HPSE2: variants seen among roughly 807,000 people sequenced by gnomAD.
HPSE2 encodes heparanase 2 (inactive), also known as inactive heparanase-2.
HPSE2 carries 38 observed loss-of-function variants against 60.5 expected under a neutral mutation model. The ratio of observed to expected loss-of-function variants is 0.63; its 90% CI spans 0.48 to 0.82. The LOEUF is 0.82. Among genes scored for constraint, HPSE2 ranks in the 40% least tolerant of loss-of-function variants. The pLI, the probability that HPSE2 is intolerant of heterozygous loss-of-function variation, is 0.00. For synonymous variants in HPSE2, 295 were observed against 293.2 expected (o/e 1.01, Z -0.06); for missense variants, 713 against 740.4 (o/e 0.96, Z 0.43).
chr10:98,953,600 G>A (rs1020480532), intron 3 of HPSE2, among the ~76,000 whole-genome samples: 4 of 152,116 alleles, frequency 2.6e-5, no homozygotes, highest in Non-Finnish European at 4.4e-5. Flanking sequence ...CCACATTGAC[G>A]GAGTGGAAGG....
intron 4 of HPSE2, among the ~76,000 whole-genome samples, chr10:98,743,582 C>G (rs1448876226): frequency 6.6e-6 from 1 of 152,224 alleles, no homozygotes; most frequent in African/African-American, 2.4e-5. Context: ...GCTGTGCAAA[C>G]AGGTTATAAA....
intron 3 of HPSE2, among the ~76,000 whole-genome samples, chr10:99,134,211 G>A (rs930998272): frequency 1.3e-5 from 2 of 152,122 alleles, no homozygotes; most frequent in African/African-American, 4.8e-5. Flanking sequence ...CAAGAAATAT[G>A]GGACTATGTG....
intron 9 of HPSE2, among the ~76,000 whole-genome samples, chr10:98,603,439 G>GTTGT (rs1554951322): frequency 6.9e-6 from 1 of 144,160 alleles, no homozygotes; most frequent in African/African-American, 2.5e-5. Flanking sequence ...CTGTTTTTTT[G>GTTGT]TTTTTTTTTT....
chr10:99,267,031 A>T, the HPSE2 span, among the ~76,000 whole-genome samples: 4 of 152,166 alleles, frequency 2.6e-5, no homozygotes, highest in Admixed American at 6.5e-5. Context: ...TCCCTCTGAC[A>T]TGGTCTACTC....
intron 4 of HPSE2, among the ~76,000 whole-genome samples, chr10:98,727,840 T>G (rs1189747013): frequency 2.0e-5 from 3 of 152,094 alleles, no homozygotes; most frequent in Non-Finnish European, 1.5e-5. Flanking sequence ...ACAATGAGAT[T>G]AACAGCTCAG....
chr10:99,156,690 C>T (rs974112960), intron 2 of HPSE2, among the ~76,000 whole-genome samples: 3 of 125,224 alleles, frequency 2.4e-5, no homozygotes, highest in Non-Finnish European at 5.5e-5. Context: ...AAAACTGGCA[C>T]AAGACAGGGA....
At chr10:98,950,451 C>T (rs1955323222) in intron 3 of HPSE2, among the ~76,000 whole-genome samples, 1 of 152,060 alleles carries the variant, frequency 6.6e-6, no homozygotes, top group African/African-American at 2.4e-5. Flanking sequence ...CATTGAAATA[C>T]ATTAGAAGGT....
At chr10:98,562,607 C>T (rs911464748) in intron 9 of HPSE2, among the ~76,000 whole-genome samples, 1 of 150,990 alleles carries the variant, frequency 6.6e-6, no homozygotes, top group African/African-American at 2.4e-5. Flanking sequence ...CCCAGCTACT[C>T]GGGAGGCTGA....
chr10:98,525,472 C>T (rs1035771073), intron 9 of HPSE2, among the ~76,000 whole-genome samples: 3 of 152,242 alleles, frequency 2.0e-5, no homozygotes, highest in Admixed American at 6.5e-5. Flanking sequence ...GAGACACTTA[C>T]GGACTACCTG....
chr10:98,637,197 T>C (rs976017770), intron 7 of HPSE2, among the ~76,000 whole-genome samples: 3 of 152,212 alleles, frequency 2.0e-5, no homozygotes, highest in African/African-American at 7.2e-5. Context: ...ATTCACCCAC[T>C]GCTCAGAAAA....
chr10:99,048,050 C>T lies in HPSE2; in HGVS notation c.610+96188G>A, dbSNP rs535448538. On this transcript the variant is annotated intron_variant, in intron 3 of 11. Transcript: ENST00000370552. ...AATTAATATGCTGTGGACTATAGAA[C>T]CATATATTGCATGGGGGTACCCAAA... The T allele has an allele frequency of 1.8e-4, 122 of 692,482 alleles. 3 individuals carry two copies. In the South Asian group the frequency reaches 1.8e-3, roughly 10 times the overall value. 42.9% of individuals were successfully genotyped at this position (692,482 alleles called of 1,614,324 possible).
the HPSE2 span, among the ~76,000 whole-genome samples, chr10:99,312,799 A>G: frequency 3.8e-3 from 580 of 152,348 alleles, 3 homozygotes; most frequent in Middle Eastern, 0.017. Context: ...GGCAAAGTCA[A>G]TTGGAAACCT....
At chr10:98,560,614 C>A (rs1311184672) in intron 9 of HPSE2, among the ~76,000 whole-genome samples, 1 of 152,208 alleles carries the variant, frequency 6.6e-6, no homozygotes, top group Non-Finnish European at 1.5e-5. Context: ...CAGGACATTG[C>A]CTCCTTTAGA....
intron 3 of HPSE2, among the ~76,000 whole-genome samples, chr10:99,025,791 G>A (rs748901548): frequency 9.9e-5 from 15 of 151,848 alleles, no homozygotes; most frequent in Non-Finnish European, 1.6e-4. Flanking sequence ...AAATAACATT[G>A]GGTGATGAAA....
intron 2 of HPSE2, among the ~76,000 whole-genome samples, chr10:99,153,117 G>C (rs912117624): frequency 6.6e-6 from 1 of 152,180 alleles, no homozygotes; most frequent in Non-Finnish European, 1.5e-5. Flanking sequence ...ACGGAGTCTC[G>C]CTGATTGCTA....
intron 2 of HPSE2, among the ~76,000 whole-genome samples, chr10:99,182,767 G>A (rs1847825086): frequency 1.3e-5 from 2 of 151,974 alleles, no homozygotes; most frequent in Non-Finnish European, 1.5e-5. Flanking sequence ...GGAGGCTGAG[G>A]GGGCAGATCA....
chr10:99,156,344 A>C (rs1417563868), intron 2 of HPSE2, among the ~76,000 whole-genome samples: 3 of 143,182 alleles, frequency 2.1e-5, no homozygotes, highest in Non-Finnish European at 3.1e-5. Context: ...TGACGCAAAA[A>C]TCCTCAACAA....
chr10:99,151,686 T>C (rs937697711), intron 2 of HPSE2, among the ~76,000 whole-genome samples: 3 of 152,106 alleles, frequency 2.0e-5, no homozygotes, highest in African/African-American at 4.8e-5. Flanking sequence ...CAATGGAGAC[T>C]AGAAAGCAGT....
intron 9 of HPSE2, among the ~76,000 whole-genome samples, chr10:98,584,713 C>T (rs1944892624): frequency 6.6e-6 from 1 of 152,206 alleles, no homozygotes; most frequent in South Asian, 2.1e-4. Flanking sequence ...CTTCCCCATT[C>T]TAAGATGCTA....
Sources: gnomAD v4.1 joint callset for allele counts (sites outside exome capture counted in the v4.1 genomes callset) on GRCh38, gnomAD v4.1.1 for gene constraint, MANE v1.5 for transcripts, NCBI Gene and HGNC (gene_info 2026-07-23, HGNC 2026-07-21) for gene names.